SAMD12: variants seen among roughly 807,000 people sequenced by gnomAD.
The protein encoded by SAMD12 is sterile alpha motif domain-containing protein 12.
SAMD12 carries 9 observed loss-of-function variants against 15.0 expected under a neutral mutation model. The ratio of observed to expected loss-of-function variants is 0.60; its 90% confidence interval spans 0.36 to 1.05. The LOEUF is 1.05. Among genes scored for constraint, SAMD12 ranks in the 50% least tolerant of loss-of-function variants. SAMD12 has a pLI of 0.01. For missense variants in SAMD12, 230 were observed against 234.2 expected (o/e 0.98, Z 0.12); for synonymous variants, 86 against 90.1 (o/e 0.96, Z 0.25).
intron 4 of SAMD12, among the ~76,000 whole-genome samples, chr8:118,233,580 A>T (rs968577855): frequency 6.6e-6 from 1 of 152,150 alleles, no homozygotes; most frequent in African/African-American, 2.4e-5. Flanking sequence ...CAGGTAGATT[A>T]TATAAAATAA....
rs532246965 is a variant in SAMD12 at position 118,320,820 on chromosome 8, A to T, written c.433+58740T>A. ...ACCCTAGAACTTAAAGTATAATAAA[A>T]ATATATATATATATATAAAAATCTA... On this transcript the variant is annotated intron_variant, in intron 4 of 4. Transcript: ENST00000409003. Among the ~76,000 whole-genome samples, 259 of 123,108 alleles carry T rather than the reference A, an allele frequency of 2.1e-3. 3 individuals carry two copies. The highest frequency in any genetic ancestry group is 6.6e-3 in the African/African-American group (244 of 37,234). The allele number at this position is 123,108 out of a possible 152,430, so 80.8% of individuals were successfully genotyped here.
chr8:118,259,584 C>A (rs1438536228), intron 4 of SAMD12, among the ~76,000 whole-genome samples: 1 of 152,048 alleles, frequency 6.6e-6, no homozygotes, highest in African/African-American at 2.4e-5. Flanking sequence ...TGGCCCCTCT[C>A]AGTTTCTATT....
the SAMD12 span, among the ~76,000 whole-genome samples, chr8:118,152,454 C>T: frequency 0.96 from 138,066 of 144,310 alleles, 66,032 homozygotes; most frequent in Non-Finnish European, 0.98. Flanking sequence ...CTCCCTCCCT[C>T]CCTACCTTCC....
At chr8:118,585,114 T>C (rs1827403824) in intron 1 of SAMD12, among the ~76,000 whole-genome samples, 1 of 152,166 alleles carries the variant, frequency 6.6e-6, no homozygotes, top group African/African-American at 2.4e-5. Context: ...ATTTTGCGCC[T>C]ATAAAAGGAA....
chr8:118,576,468 C>T (rs193100940), intron 2 of SAMD12, among the ~76,000 whole-genome samples: 96 of 152,334 alleles, frequency 6.3e-4, no homozygotes, highest in African/African-American at 2.2e-3. Context: ...CTGGGCATTT[C>T]TGCTGCCATA....
chr8:118,256,929 C>T (rs775188574), intron 4 of SAMD12, among the ~76,000 whole-genome samples: 23 of 152,034 alleles, frequency 1.5e-4, no homozygotes, highest in Non-Finnish European at 2.6e-4. Flanking sequence ...AACTGTAACA[C>T]TCCTGTTTTG....
chr8:118,359,631 CTT>C (rs1383174469), intron 4 of SAMD12, among the ~76,000 whole-genome samples: 2 of 152,166 alleles, frequency 1.3e-5, no homozygotes, highest in Non-Finnish European at 2.9e-5. Flanking sequence ...TGCTTCATCA[CTT>C]CTTATACTGT....
intron 3 of SAMD12, among the ~76,000 whole-genome samples, chr8:118,392,203 C>T (rs112842096): frequency 0.015 from 2,354 of 152,104 alleles, 55 homozygotes; most frequent in African/African-American, 0.051. Context: ...CTGAGGCAGG[C>T]GGATCACGAG....
Position 118,378,273 on chromosome 8 carries a change from A to T in SAMD12, c.*1144T>A. 2.2e-6 allele frequency: 1 copy of T among 461,852 alleles called. No homozygotes were observed. Among genetic ancestry groups the T allele is most frequent in the Non-Finnish European group, 2.8e-6 (1 of 352,142 alleles). The allele number at this position is 461,852 out of a possible 1,614,324, so 28.6% of individuals were successfully genotyped here. A position where few individuals can be genotyped will look rare whatever the true frequency, so the allele number is the denominator to read the frequency against. On this transcript the variant is annotated 3_prime_UTR_variant, in exon 4 of 4. Coordinates refer to ENST00000314727, the MANE Select transcript of SAMD12 (RefSeq NM_207506.3). ...ATTGCTGGACCTCTAGGTTGCTTGT[A>T]AATTTTCCGTTTTCCAAATAGCACT...
At chr8:118,423,097 G>A (rs977697024) in intron 3 of SAMD12, among the ~76,000 whole-genome samples, 4 of 152,146 alleles carry the variant, frequency 2.6e-5, no homozygotes, top group Admixed American at 2.6e-4. Flanking sequence ...GGAGGCTCTG[G>A]GGCTTGTGCC....
chr8:118,249,757 T>C (rs1812778482), intron 4 of SAMD12, among the ~76,000 whole-genome samples: 1 of 152,208 alleles, frequency 6.6e-6, no homozygotes, highest in Non-Finnish European at 1.5e-5. Context: ...CCTTTGCTTT[T>C]GCTCTAAGCA....
chr8:118,226,312 T>C (rs1426412581), intron 4 of SAMD12, among the ~76,000 whole-genome samples: 1 of 152,182 alleles, frequency 6.6e-6, no homozygotes, highest in African/African-American at 2.4e-5. Flanking sequence ...GACAAGATAC[T>C]TCTTTCTGTG....
chr8:118,283,089 C>G (rs1016164576), intron 4 of SAMD12, among the ~76,000 whole-genome samples: 1 of 152,034 alleles, frequency 6.6e-6, no homozygotes, highest in Non-Finnish European at 1.5e-5. Context: ...GACCAGGACT[C>G]ACCGAGGAAA....
chr8:118,253,488 A>G (rs1812865152), intron 4 of SAMD12, among the ~76,000 whole-genome samples: 2 of 152,208 alleles, frequency 1.3e-5, no homozygotes, highest in African/African-American at 4.8e-5. Flanking sequence ...TTATGAGGAT[A>G]TATTATAAAC....
At chr8:118,171,055 A>C in the SAMD12 span, among the ~76,000 whole-genome samples, 3 of 152,262 alleles carry the variant, frequency 2.0e-5, no homozygotes, top group Non-Finnish European at 4.4e-5. Context: ...ACAAATGATC[A>C]ATAAGTACAT....
intron 4 of SAMD12, among the ~76,000 whole-genome samples, chr8:118,246,713 A>G (rs1812706364): frequency 6.6e-6 from 1 of 152,094 alleles, no homozygotes; most frequent in Admixed American, 6.6e-5. Context: ...GTGATATGAG[A>G]TTTTAGAGAA....
chr8:118,372,239 T>C (rs185872461), intron 4 of SAMD12, among the ~76,000 whole-genome samples: 1 of 152,242 alleles, frequency 6.6e-6, no homozygotes, highest in East Asian at 1.9e-4. Context: ...AAAGGAAGCA[T>C]TTCTCAATGT....
intron 3 of SAMD12, among the ~76,000 whole-genome samples, chr8:118,415,666 T>A (rs1821651966): frequency 6.6e-6 from 1 of 152,200 alleles, no homozygotes; most frequent in South Asian, 2.1e-4. Context: ...ACTGAGGGTT[T>A]GAAAGAATTA....
Position 118,230,812 on chromosome 8 carries a change from G to A in SAMD12, c.434-33080C>T, listed in dbSNP as rs1436563187. On this transcript the variant is annotated intron_variant, in intron 4 of 4. Coordinates refer to the SAMD12 transcript ENST00000409003. The stretch of plus-strand genomic sequence containing the variant: ...TGTGCCTGCAGCACAGTGAGCGAGC[G>A]GGAGAGTGGCTGAGACCAAATCAGA... 2.0e-5 allele frequency among the ~76,000 whole-genome samples: 3 copies of A among 152,226 alleles called. No homozygotes were observed. The East Asian group carries it at 5.8e-4, about 29-fold the overall frequency.
Sources: gnomAD v4.1 joint callset for allele counts (sites outside exome capture counted in the v4.1 genomes callset) on GRCh38, gnomAD v4.1.1 for gene constraint, MANE v1.5 for transcripts, NCBI Gene and HGNC (gene_info 2026-07-23, HGNC 2026-07-21) for gene names.